The following NDUFAF6 variants were observed in gnomAD, a reference collection of about 807,000 sequenced individuals.
The protein encoded by NDUFAF6 is NADH dehydrogenase (ubiquinone) complex I, assembly factor 6.
A neutral mutation model predicts 40.8 loss-of-function variants in NDUFAF6; 45 were observed. The observed-to-expected ratio is 1.10, with a 90% CI of 0.87 to 1.42. The LOEUF is 1.42. Among genes scored for constraint, NDUFAF6 ranks in the 40% most tolerant of loss-of-function variants. The pLI, the probability that NDUFAF6 is intolerant of heterozygous loss-of-function variation, is 0.00. For missense variants in NDUFAF6, 435 were observed against 418.5 expected, an observed-to-expected ratio of 1.04 and a Z score of -0.34; for synonymous variants, 185 against 155.9, an observed-to-expected ratio of 1.19 and a Z score of -1.39.
At chr8:95,052,109 G>T in intron 7 of NDUFAF6, 65 bp from the exon 8 acceptor site, 1 of 1,479,050 alleles carries the variant, frequency 6.8e-7, no homozygotes, top group Non-Finnish European at 9.5e-7. Flanking sequence ...TGCTGGTGTT[G>T]CTTTCAGAGG....
chr8:94,944,586 G>A (rs984698322), intron 1 of NDUFAF6, among the ~76,000 whole-genome samples: 10 of 152,340 alleles, frequency 6.6e-5, no homozygotes, highest in African/African-American at 1.7e-4. Context: ...AACCTTGGGC[G>A]ACAGAGTGCT....
intron 1 of NDUFAF6, among the ~76,000 whole-genome samples, chr8:94,933,543 T>C (rs909439647): frequency 1.3e-5 from 2 of 152,040 alleles, no homozygotes; most frequent in African/African-American, 4.8e-5. Flanking sequence ...GGCAGGTGGC[T>C]CACCTGAAGT....
intron 1 of NDUFAF6, among the ~76,000 whole-genome samples, chr8:95,030,198 G>A (rs1010957964): frequency 5.3e-5 from 8 of 151,268 alleles, no homozygotes; most frequent in Admixed American, 4.6e-4. Flanking sequence ...ATAGAGTCCT[G>A]TTTCAAATTG....
At chr8:94,913,510 T>C (rs750631554) in intron 1 of NDUFAF6, among the ~76,000 whole-genome samples, 5 of 152,204 alleles carry the variant, frequency 3.3e-5, no homozygotes, top group Non-Finnish European at 5.9e-5. Flanking sequence ...TTAAAACCAT[T>C]TCTGGGCCAG....
At chr8:94,988,173 G>C (rs1052026694) in intron 2 of NDUFAF6, among the ~76,000 whole-genome samples, 2 of 152,094 alleles carry the variant, frequency 1.3e-5, no homozygotes, top group African/African-American at 4.8e-5. Flanking sequence ...GCATTGCTTT[G>C]TCACCCAGAG....
At chr8:95,020,573 C>G (rs1827652061), upstream of NDUFAF6, among the ~76,000 whole-genome samples, 1 of 152,170 alleles carries the variant, frequency 6.6e-6, no homozygotes, top group Non-Finnish European at 1.5e-5. Context: ...CACACCAGCC[C>G]ACACCAGCCC....
intron 1 of NDUFAF6, among the ~76,000 whole-genome samples, chr8:94,899,910 C>T (rs766064697): frequency 5.3e-5 from 8 of 152,154 alleles, no homozygotes; most frequent in Admixed American, 2.6e-4. Flanking sequence ...AGACCTCTTG[C>T]GCCCAGGAGA....
intron 1 of NDUFAF6, among the ~76,000 whole-genome samples, chr8:95,031,264 T>C (rs1446918902): frequency 6.6e-6 from 1 of 152,178 alleles, no homozygotes; most frequent in African/African-American, 2.4e-5. Context: ...TCTAGGCTCT[T>C]TCAGCAGGTG....
intron 2 of NDUFAF6, among the ~76,000 whole-genome samples, chr8:95,093,407 A>G (rs1295098272): frequency 6.6e-6 from 1 of 152,202 alleles, no homozygotes; most frequent in East Asian, 1.9e-4. Context: ...TGAGCTAAAT[A>G]ATTACTTCTT....
intron 3 of NDUFAF6, among the ~76,000 whole-genome samples, chr8:95,039,118 A>G (rs1029575326): frequency 5.3e-5 from 8 of 151,684 alleles, no homozygotes; most frequent in Admixed American, 3.9e-4. Context: ...CCGGGACTAC[A>G]GTTACCCGCC....
chr8:94,989,410 G>A (rs942121050), intron 2 of NDUFAF6: 1 of 152,206 alleles, frequency 6.6e-6, no homozygotes, highest in Non-Finnish European at 1.5e-5. Context: ...GATCAGGGAG[G>A]AGGAACAGTT....
At chr8:95,084,544 C>A (rs1378871282) in intron 2 of NDUFAF6, among the ~76,000 whole-genome samples, 2 of 152,132 alleles carry the variant, frequency 1.3e-5, no homozygotes, top group Non-Finnish European at 2.9e-5. Context: ...GAGTCCAACA[C>A]CTGGCTAGAG....
At chr8:95,063,254 T>C (rs567889190), downstream of NDUFAF6, among the ~76,000 whole-genome samples, 2 of 152,338 alleles carry the variant, frequency 1.3e-5, no homozygotes, top group South Asian at 4.1e-4. Flanking sequence ...AGATATGAGA[T>C]AGAATGTTTT....
At chr8:95,098,784 G>A (rs1176000953), upstream of NDUFAF6, among the ~76,000 whole-genome samples, 3 of 152,218 alleles carry the variant, frequency 2.0e-5, no homozygotes, top group East Asian at 1.9e-4. Context: ...TTAGCTGGGC[G>A]TGTGGCACGC....
chr8:94,973,904 G>A (rs1824702131), intron 1 of NDUFAF6, among the ~76,000 whole-genome samples: 1 of 150,838 alleles, frequency 6.6e-6, no homozygotes. Context: ...CTTTGATCTT[G>A]GACTTCCCAC....
intron 1 of NDUFAF6, among the ~76,000 whole-genome samples, chr8:94,909,714 C>T (rs1304207880): frequency 6.6e-6 from 1 of 151,718 alleles, no homozygotes; most frequent in Non-Finnish European, 1.5e-5. Context: ...TCACTTCGCC[C>T]AGGAGTTTGA....
chr8:95,049,584 C>G (rs572643712), intron 7 of NDUFAF6, among the ~76,000 whole-genome samples: 1 of 152,076 alleles, frequency 6.6e-6, no homozygotes, highest in East Asian at 1.9e-4. Flanking sequence ...TTTTTTTTAG[C>G]CTTCAGTAGA....
At chr8:95,020,683 C>G (rs527495239), upstream of NDUFAF6, among the ~76,000 whole-genome samples, 134 of 152,332 alleles carry the variant, frequency 8.8e-4, no homozygotes, top group Middle Eastern at 0.01. Context: ...GAACGATACA[C>G]TAACACCTCC....
intron 2 of NDUFAF6, chr8:94,988,502 T>C (rs1826044307): frequency 6.6e-6 from 1 of 152,150 alleles, no homozygotes; most frequent in Non-Finnish European, 1.5e-5. Context: ...ATTTTCTCTC[T>C]TGAAATTCTT....
Sources: allele counts gnomAD v4.1 joint callset (sites outside exome capture counted in the v4.1 genomes callset), GRCh38; gene constraint gnomAD v4.1.1; transcripts MANE v1.5; gene names NCBI Gene and HGNC (gene_info 2026-07-23, HGNC 2026-07-21).